The following PRKAA2 variants were observed in gnomAD, a reference collection of about 807,000 sequenced individuals.
PRKAA2 encodes protein kinase AMP-activated catalytic subunit alpha 2.
PRKAA2 carries 40 observed loss-of-function variants against 56.3 expected under a neutral mutation model. The ratio of observed to expected loss-of-function variants is 0.71; its 90% CI spans 0.55 to 0.92. The LOEUF is 0.92. Ranked by LOEUF, PRKAA2 falls within the 40% of genes least tolerant of loss-of-function variation. PRKAA2 has a pLI of 0.00. For synonymous variants in PRKAA2, 214 were observed against 234.2 expected, an observed-to-expected ratio of 0.91 and a Z score of 0.79; for missense variants, 542 against 686.9, an observed-to-expected ratio of 0.79 and a Z score of 2.36.
chr1:56,713,500 TAAATC>T lies in PRKAA2; in HGVS notation c.*5788_*5792del, dbSNP rs1455194523. 6.6e-6 allele frequency: 1 copy of T among 151,976 alleles called. No individual in the cohort carries two copies. Among genetic ancestry groups the T allele is most frequent in the Non-Finnish European group, 1.5e-5 (1 of 67,990 alleles). The allele number at this position is 151,976 out of a possible 1,614,324, so 9.4% of individuals were successfully genotyped here. A position where few individuals can be genotyped will look rare whatever the true frequency, so the allele number is the denominator to read the frequency against. Reference sequence around the variant, plus strand: ...ATTTCAATTACGTTTGAAGTGTAATTAAATCCTAGAATAGAGCACTCTCCAGAAAA... The same window carrying T: ...ATTTCAATTACGTTTGAAGTGTAATTCTAGAATAGAGCACTCTCCAGAAAA... On this transcript the variant is annotated 3_prime_UTR_variant, in exon 9 of 9. Coordinates refer to ENST00000371244, the MANE Select transcript of PRKAA2 (RefSeq NM_006252.4).
intron 2 of PRKAA2, among the ~76,000 whole-genome samples, chr1:56,685,646 T>G (rs1033170917): frequency 1.3e-5 from 2 of 152,088 alleles, no homozygotes; most frequent in Non-Finnish European, 2.9e-5. Flanking sequence ...ATTGCAAAAA[T>G]GAAACAAATC....
intron 2 of PRKAA2, among the ~76,000 whole-genome samples, chr1:56,678,195 C>T (rs1412580777): frequency 7.2e-5 from 11 of 152,180 alleles, no homozygotes; most frequent in African/African-American, 2.4e-4. Flanking sequence ...GCCACATTGC[C>T]TCTTTAATTG....
chr1:56,686,962 G>C (rs1383880800), intron 2 of PRKAA2, among the ~76,000 whole-genome samples: 1 of 147,702 alleles, frequency 6.8e-6, no homozygotes, highest in African/African-American at 2.5e-5. Context: ...TCAGCTTACC[G>C]CAACCTCCAC....
chr1:56,692,373 G>A lies in PRKAA2; in HGVS notation c.346G>A (p.Ala116Thr). ...TGCTTGATAGGTTGAAGAGATGGAA[G>A]CCAGGCGGCTCTTTCAGCAGATTCT... Reference protein sequence around the residue: ...CKHGRVEEMEARRLFQQILSA... With the variant: ...CKHGRVEEMETRRLFQQILSA... The change falls in exon 4 of 9, where the codon GCC (alanine) becomes ACC (threonine). Residue 116 changes from alanine (A) to threonine (T), a missense_variant. Coordinates refer to ENST00000371244, the MANE Select transcript of PRKAA2 (RefSeq NM_006252.4). 6.2e-7 allele frequency: 1 copy of A among 1,614,020 alleles called. No individual in the cohort carries two copies. The highest frequency in any genetic ancestry group is 8.5e-7 in the Non-Finnish European group (1 of 1,179,994).
rs1409575573 is a variant in PRKAA2, at chr1:56,703,090, A to C, written c.789-881A>C. 3.9e-5 allele frequency among the ~76,000 whole-genome samples: 6 copies of C among 152,300 alleles called. No individual in the cohort carries two copies. The South Asian group carries it at 1.0e-3, about 26-fold the overall frequency. ...CGAAGGAGTAGTTTGTGTTAGATGA[A>C]AATGGTTTGGTATTCTAGGATAACA... On this transcript the variant is annotated intron_variant, in intron 6 of 8. Coordinates refer to ENST00000371244, the MANE Select transcript of PRKAA2 (RefSeq NM_006252.4).
Position 56,677,442 on chromosome 1 carries a change from A to G in PRKAA2, c.236+2920A>G, listed in dbSNP as rs566479653. The stretch of plus-strand genomic sequence containing the variant: ...ACTAAAAGTGTCATATGCTAGAATG[A>G]AAGTGGGGAAGGGAAAGATCTTTCC... On this transcript the variant is annotated intron_variant, in intron 2 of 8. Coordinates refer to ENST00000371244, the MANE Select transcript of PRKAA2 (RefSeq NM_006252.4). 2.4e-4 allele frequency among the ~76,000 whole-genome samples: 37 copies of G among 152,282 alleles called. No homozygotes were observed. In the South Asian group the frequency reaches 7.0e-3, roughly 29 times the overall value.
rs1235784068 is a variant in PRKAA2 at position 56,645,409 on chromosome 1, G to T, written c.22G>T (p.Asp8Tyr). The T allele has an allele frequency of 6.6e-6, 10 of 1,508,810 alleles. No homozygotes were observed. Among genetic ancestry groups the T allele is most frequent in the Non-Finnish European group, 8.9e-6 (10 of 1,122,980 alleles). 93.5% of individuals were successfully genotyped at this position (1,508,810 alleles called of 1,614,324 possible). ...GAAGATGGCTGAGAAGCAGAAGCAC[G>T]ACGGGCGGGTGAAGATCGGACACTA... MAEKQKH[D>Y]GRVKIGHYVL... The change falls in exon 1 of 9, where the codon GAC becomes TAC. Residue 8 changes from aspartate to tyrosine, a missense_variant. Physicochemically the swap from Asp to Tyr is radical, Grantham distance 160. Coordinates refer to ENST00000371244, the MANE Select transcript of PRKAA2 (RefSeq NM_006252.4).
At chr1:56,647,585 C>G (rs1448171778) in intron 1 of PRKAA2, among the ~76,000 whole-genome samples, 1 of 152,126 alleles carries the variant, frequency 6.6e-6, no homozygotes, top group African/African-American at 2.4e-5. Context: ...AATGAACAAC[C>G]AGTTGAAGGA....
chr1:56,655,953 A>C (rs1236060361), intron 1 of PRKAA2, among the ~76,000 whole-genome samples: 1 of 152,230 alleles, frequency 6.6e-6, no homozygotes, highest in Non-Finnish European at 1.5e-5. Flanking sequence ...GACAGGGTGA[A>C]GATAATAGAA....
chr1:56,706,136 G>A lies in PRKAA2; in HGVS notation c.1338G>A (p.Val446=), dbSNP rs1557565035. 5 of 1,612,920 alleles carry A rather than the reference G, an allele frequency of 3.1e-6. No individual in the cohort carries two copies. ...TTCGTGTAAGAAGAAAAAATCCAGT[G>A]ACTGGCAATTACGTGAAAATGAGCT... ...YHLRVRRKNP[V]TGNYVKMSLQ... is the part of the protein sequence containing the mutation. Residue 446 remains valine (V), a synonymous_variant, in exon 8 of 9, where the codon GTG becomes GTA. Transcript: ENST00000371244.
intron 1 of PRKAA2, among the ~76,000 whole-genome samples, chr1:56,659,972 T>A (rs1380751254): frequency 2.0e-5 from 3 of 152,124 alleles, no homozygotes; most frequent in Non-Finnish European, 4.4e-5. Flanking sequence ...GTAGAGCAAG[T>A]CTTTACTAAA....
chr1:56,662,965 C>G (rs1237239059), intron 1 of PRKAA2, among the ~76,000 whole-genome samples: 2 of 152,054 alleles, frequency 1.3e-5, no homozygotes, highest in African/African-American at 4.8e-5. Context: ...CTAACTTTCC[C>G]AAAACACTCT....
At chr1:56,678,662 C>T (rs1053397918) in intron 2 of PRKAA2, among the ~76,000 whole-genome samples, 2 of 149,628 alleles carry the variant, frequency 1.3e-5, no homozygotes, top group South Asian at 2.1e-4. Context: ...TCAAAAGATG[C>T]TTGTTAGTCT....
intron 6 of PRKAA2, among the ~76,000 whole-genome samples, chr1:56,699,576 CTTA>C (rs748580435): frequency 9.2e-5 from 14 of 152,070 alleles, no homozygotes; most frequent in African/African-American, 1.7e-4. Context: ...AGATTGTTTC[CTTA>C]TTGTTTTTTA....
At position 56,715,294 on chromosome 1, in the gene PRKAA2, T is replaced by C. The variant is rs897954436; in HGVS notation, c.*7581T>C. The C allele has an allele frequency of 2.0e-5, 3 of 152,172 alleles. No individual in the cohort carries two copies. The highest frequency in any genetic ancestry group is 4.4e-5 in the Non-Finnish European group (3 of 68,014). The allele number at this position is 152,172 out of a possible 1,614,324, so 9.4% of individuals were successfully genotyped here. A position where few individuals can be genotyped will look rare whatever the true frequency, so the allele number is the denominator to read the frequency against. ...CTGTCTGATTGCTTATAAGCTTTTT[T>C]CACAAAATCAAATTAAAAGTCTCTG... On this transcript the variant is annotated 3_prime_UTR_variant, in exon 9 of 9. Transcript: ENST00000371244.
Position 56,704,329 on chromosome 1 carries a change from C to A in PRKAA2, c.1147C>A (p.Pro383Thr), listed in dbSNP as rs775324119. Residue 383 changes from proline to threonine, a missense_variant, in exon 7 of 9, where the codon CCA becomes ACA. Physicochemically the swap from Pro to Thr is conservative, Grantham distance 38. Coordinates refer to ENST00000371244, the MANE Select transcript of PRKAA2 (RefSeq NM_006252.4). Reference protein sequence around the residue: ...LIADSPKARCPLDALNTTKPK... With the variant: ...LIADSPKARCTLDALNTTKPK... ...AGCAGACAGCCCCAAAGCAAGATGT[C>A]CATTGGATGCACTGAATACGACTAA... 6.2e-7 allele frequency: 1 copy of A among 1,614,120 alleles called. No homozygotes were observed. The highest frequency in any genetic ancestry group is 8.5e-7 in the Non-Finnish European group (1 of 1,180,020).
In PRKAA2 at chr1:56,645,619, G is replaced by T. The variant is rs796690037; in HGVS notation, c.94+138G>T. 5.9e-5 allele frequency: 38 copies of T among 642,028 alleles called. 1 individual carries two copies. The highest frequency in any genetic ancestry group is 5.9e-4 in the African/African-American group (30 of 50,950). The allele number at this position is 642,028 out of a possible 1,614,324, so 39.8% of individuals were successfully genotyped here. On this transcript the variant is annotated intron_variant, in intron 1 of 8. Transcript: ENST00000371244. ...CGGTCCCGGGTCGCGCGGAGCTGGGGCCCCGGGAGGGTGGCGCGCACCGCC... is the reference window on the plus strand; with the variant it reads ...CGGTCCCGGGTCGCGCGGAGCTGGGTCCCCGGGAGGGTGGCGCGCACCGCC...
rs1290531814 is a variant in PRKAA2 at position 56,708,787 on chromosome 1, A to C, written c.*1074A>C. ...TGAATCTTTTCTAGTCCAAGTTTGA[A>C]AACACTGTTCTGGCCCTAAGGGCTG... On this transcript the variant is annotated 3_prime_UTR_variant, in exon 9 of 9. Transcript: ENST00000371244. 2.6e-5 allele frequency: 4 copies of C among 152,150 alleles called. No individual in the cohort carries two copies. Among genetic ancestry groups the C allele is most frequent in the Admixed American group, 6.6e-5 (1 of 15,264 alleles). 9.4% of individuals were successfully genotyped at this position (152,150 alleles called of 1,614,324 possible).
intron 6 of PRKAA2, among the ~76,000 whole-genome samples, chr1:56,697,058 G>A (rs181206825): frequency 4.6e-5 from 5 of 107,924 alleles, no homozygotes; most frequent in Admixed American, 2.8e-4. Context: ...CGCCCAGGCT[G>A]GAGTGCAGTG....
Sources: allele counts gnomAD v4.1 joint callset (sites outside exome capture counted in the v4.1 genomes callset), GRCh38; gene constraint gnomAD v4.1.1; transcripts MANE v1.5; gene names NCBI Gene and HGNC (gene_info 2026-07-23, HGNC 2026-07-21).